The following TENM3 variants were observed in gnomAD, a reference collection of about 807,000 sequenced individuals.
The protein encoded by TENM3 is teneurin-3.
TENM3 carries 63 observed loss-of-function variants against 255.1 expected under a neutral mutation model. The ratio of observed to expected loss-of-function variants is 0.25; its 90% confidence interval spans 0.20 to 0.30. The LOEUF (loss-of-function observed/expected upper bound fraction) is 0.30, where lower values mean the gene tolerates loss of function less well. TENM3 is among the 10% of genes least tolerant of loss of function. TENM3 has a pLI of 1.00. For missense variants in TENM3, 2,929 were observed against 3,461.1 expected (o/e 0.85, Z 3.86); for synonymous variants, 1,306 against 1,322.3 (o/e 0.99, Z 0.27).
chr4:181,576,099 C>T, the TENM3 span, among the ~76,000 whole-genome samples: 1 of 152,132 alleles, frequency 6.6e-6, no homozygotes, highest in Admixed American at 6.5e-5. Flanking sequence ...TGATCATCCG[C>T]CCCTCCTACC....
chr4:181,462,023 G>C, the TENM3 span, among the ~76,000 whole-genome samples: 1 of 152,184 alleles, frequency 6.6e-6, no homozygotes, highest in Non-Finnish European at 1.5e-5. Context: ...CCTGGGTACA[G>C]TTCAGTTACT....
the TENM3 span, among the ~76,000 whole-genome samples, chr4:181,620,076 C>T: frequency 6.6e-6 from 1 of 152,010 alleles, no homozygotes; most frequent in Admixed American, 6.6e-5. Flanking sequence ...GCCTGGGCAA[C>T]ATAGGGAGAC....
At chr4:182,483,584 G>A (rs1257238143) in intron 3 of TENM3, among the ~76,000 whole-genome samples, 1 of 152,134 alleles carries the variant, frequency 6.6e-6, no homozygotes, top group Non-Finnish European at 1.5e-5. Context: ...CAACAATGAG[G>A]TATGTCTAGG....
At chr4:181,736,246 C>T in the TENM3 span, among the ~76,000 whole-genome samples, 98 of 152,142 alleles carry the variant, frequency 6.4e-4, no homozygotes, top group Middle Eastern at 3.4e-3. Flanking sequence ...TGCAGTAAGG[C>T]GAGACGGCGC....
At chr4:182,096,751 A>G in the TENM3 span, among the ~76,000 whole-genome samples, 6 of 152,322 alleles carry the variant, frequency 3.9e-5, no homozygotes, top group East Asian at 9.7e-4. Flanking sequence ...TTCAGCTGCC[A>G]ATGTGCAGGA....
At chr4:182,530,319 G>A (rs1739641240) in intron 3 of TENM3, among the ~76,000 whole-genome samples, 1 of 152,160 alleles carries the variant, frequency 6.6e-6, no homozygotes, top group African/African-American at 2.4e-5. Flanking sequence ...AAACACTGCA[G>A]ATTTTAGTTG....
intron 3 of TENM3, among the ~76,000 whole-genome samples, chr4:182,500,902 G>C (rs1736248513): frequency 6.6e-6 from 1 of 152,026 alleles, no homozygotes; most frequent in South Asian, 2.1e-4. Context: ...TTGGTTATAG[G>C]AGATGTTTTT....
At chr4:182,440,353 C>T (rs1463144690) in intron 3 of TENM3, among the ~76,000 whole-genome samples, 1 of 152,054 alleles carries the variant, frequency 6.6e-6, no homozygotes, top group African/African-American at 2.4e-5. Context: ...ACCTCATGAT[C>T]CACCCGCCTC....
rs80305604 is a variant in TENM3, at chr4:182,294,011, C to T, written c.-75-29935C>T. Among the ~76,000 whole-genome samples the T allele has an allele frequency of 7.2e-3, 1,101 of 152,210 alleles. 14 individuals are homozygous for T. Among genetic ancestry groups the T allele is most frequent in the African/African-American group, 0.025 (1,040 of 41,510 alleles). On this transcript the variant is annotated intron_variant, in intron 1 of 27. Coordinates refer to ENST00000511685, the MANE Select transcript of TENM3 (RefSeq NM_001080477.4). The stretch of plus-strand genomic sequence containing the variant: ...GGTTGGGTCTTTCCTGCGCTCCCTG[C>T]GTCCTAGGCCATCACAGGCCCGGGT...
intron 3 of TENM3, among the ~76,000 whole-genome samples, chr4:182,497,653 T>G (rs531205224): frequency 6.6e-6 from 1 of 152,206 alleles, no homozygotes; most frequent in South Asian, 2.1e-4. Context: ...ATAGGCAACC[T>G]AACTTTTTAA....
At chr4:181,957,120 T>A in the TENM3 span, among the ~76,000 whole-genome samples, 1 of 152,212 alleles carries the variant, frequency 6.6e-6, no homozygotes, top group African/African-American at 2.4e-5. Flanking sequence ...TCGATGTCAA[T>A]GCACATGCTG....
At chr4:181,952,585 C>CA in the TENM3 span, among the ~76,000 whole-genome samples, 1 of 152,244 alleles carries the variant, frequency 6.6e-6, no homozygotes, top group Non-Finnish European at 1.5e-5. Flanking sequence ...AGGCCTTGTG[C>CA]TAGGCCCATC....
the TENM3 span, among the ~76,000 whole-genome samples, chr4:181,758,097 C>T: frequency 1.7e-4 from 26 of 152,118 alleles, no homozygotes; most frequent in Admixed American, 1.6e-3. Context: ...ACTGACAGCT[C>T]GCTACTGTTT....
the TENM3 span, among the ~76,000 whole-genome samples, chr4:181,924,684 ACAATTTCTCAT>A: frequency 6.6e-6 from 1 of 152,252 alleles, no homozygotes; most frequent in African/African-American, 2.4e-5. Flanking sequence ...AGCTTCATCA[ACAATTTCTCAT>A]CATTTGAACC....
the TENM3 span, among the ~76,000 whole-genome samples, chr4:181,995,155 T>C: frequency 3.9e-5 from 6 of 152,098 alleles, no homozygotes; most frequent in African/African-American, 1.4e-4. Flanking sequence ...CTGGGCATTA[T>C]GGTGTTCACC....
chr4:181,495,612 G>A, the TENM3 span, among the ~76,000 whole-genome samples: 1 of 151,854 alleles, frequency 6.6e-6, no homozygotes, highest in East Asian at 1.9e-4. Flanking sequence ...TGAAATATCA[G>A]CAATGGTGTA....
At chr4:182,200,855 C>T (rs1164047264) in intron 1 of TENM3, among the ~76,000 whole-genome samples, 2 of 139,276 alleles carry the variant, frequency 1.4e-5, no homozygotes, top group African/African-American at 2.7e-5. Context: ...GATGGAGTCT[C>T]ACTCTGTCAC....
At chr4:181,931,549 A>G in the TENM3 span, among the ~76,000 whole-genome samples, 1 of 152,358 alleles carries the variant, frequency 6.6e-6, no homozygotes, top group South Asian at 2.1e-4. Context: ...TTCCATGCTC[A>G]TGGATAGGAA....
the TENM3 span, among the ~76,000 whole-genome samples, chr4:181,632,129 T>G: frequency 6.6e-6 from 1 of 152,182 alleles, no homozygotes; most frequent in African/African-American, 2.4e-5. Flanking sequence ...GAGGTTTAAT[T>G]GACTCACAGT....
Sources: allele counts gnomAD v4.1 joint callset (sites outside exome capture counted in the v4.1 genomes callset), GRCh38; gene constraint gnomAD v4.1.1; transcripts MANE v1.5; gene names NCBI Gene and HGNC (gene_info 2026-07-23, HGNC 2026-07-21).